SAMD7: variants seen among roughly 807,000 people sequenced by gnomAD.
The protein encoded by SAMD7 is sterile alpha motif domain-containing protein 7.
In SAMD7, 34 loss-of-function variants were observed where a neutral mutation model predicts 36.7. The ratio of observed to expected loss-of-function variants is 0.93; its 90% CI spans 0.71 to 1.23. The LOEUF (loss-of-function observed/expected upper bound fraction) is 1.23. Among genes scored for constraint, SAMD7 ranks in the 50% most tolerant of loss-of-function variants. SAMD7 has a pLI of 0.00. For missense variants in SAMD7, 570 were observed against 546.6 expected (o/e 1.04, Z -0.43); for synonymous variants, 188 against 189.7 (o/e 0.99, Z 0.07).
In SAMD7 at chr3:169,926,661, A is replaced by G. The variant is rs1576832969; in HGVS notation, c.399A>G (p.Pro133=). Residue 133 remains proline (P), a synonymous_variant, in exon 6 of 9, where the codon CCA becomes CCG. Coordinates refer to ENST00000335556, the MANE Select transcript of SAMD7 (RefSeq NM_001304366.2). The part of the protein sequence containing the change: ...GIPFLYGSSV[P]AAPAAYHGRS... ...CCTTCCTCTATGGCTCCAGTGTCCC[A>G]GCTGCCCCCGCTGCCTACCATGGCA... is the stretch of plus-strand genomic sequence containing the variant. 6.2e-7 allele frequency: 1 copy of G among 1,613,948 alleles called. No individual in the cohort carries two copies. The highest frequency in any genetic ancestry group is 1.3e-5 in the African/African-American group (1 of 74,880).
At chr3:169,917,023 C>T (rs1712834311) in intron 2 of SAMD7, among the ~76,000 whole-genome samples, 1 of 152,222 alleles carries the variant, frequency 6.6e-6, no homozygotes, top group Non-Finnish European at 1.5e-5. Context: ...GGTAACTAAA[C>T]TCTCTGAGGC....
At position 169,919,367 on chromosome 3, in the gene SAMD7, A is replaced by T. The variant is rs140006525; in HGVS notation, c.-41-91A>T. ...GCTAGTCTTCCCAAGTGTTGTGAAA[A>T]TACAAAAGGCTTTTATTGTGTTCAA... On this transcript the variant is annotated intron_variant, in intron 2 of 8. Transcript: ENST00000335556. 1.3e-5 allele frequency: 9 copies of T among 706,768 alleles called. No homozygotes were observed. In the African/African-American group the frequency reaches 1.6e-4, roughly 13 times the overall value. 43.8% of individuals were successfully genotyped at this position (706,768 alleles called of 1,614,324 possible).
intron 3 of SAMD7, among the ~76,000 whole-genome samples, chr3:169,920,439 C>T (rs1006807569): frequency 6.6e-6 from 1 of 152,086 alleles, no homozygotes; most frequent in African/African-American, 2.4e-5. Flanking sequence ...GGATTAGGGC[C>T]CCACCTTTAT....
At chr3:169,934,565 C>T (rs1291305148) in intron 7 of SAMD7, among the ~76,000 whole-genome samples, 1 of 152,170 alleles carries the variant, frequency 6.6e-6, no homozygotes, top group Non-Finnish European at 1.5e-5. Flanking sequence ...CCTCTGCCGT[C>T]CCCCAGAAGT....
At chr3:169,925,368 T>TAA (rs59937452) in intron 5 of SAMD7, among the ~76,000 whole-genome samples, 2,313 of 147,320 alleles carry the variant, frequency 0.016, 67 homozygotes, top group African/African-American at 0.054. Context: ...TGCTTTCACT[T>TAA]AAAAAAAAAA....
At chr3:169,917,738 T>C (rs1402392237) in intron 2 of SAMD7, among the ~76,000 whole-genome samples, 1 of 151,886 alleles carries the variant, frequency 6.6e-6, no homozygotes, top group African/African-American at 2.4e-5. Context: ...GCCTCCCAGG[T>C]TCACACCATT....
At chr3:169,914,672 A>G (rs770974607) in intron 1 of SAMD7, among the ~76,000 whole-genome samples, 2 of 152,228 alleles carry the variant, frequency 1.3e-5, no homozygotes, top group Non-Finnish European at 2.9e-5. Context: ...TACCAAGGAT[A>G]GCTTTAATTG....
chr3:169,919,189 T>G (rs1042849281), intron 2 of SAMD7, among the ~76,000 whole-genome samples: 2 of 152,176 alleles, frequency 1.3e-5, no homozygotes, highest in Admixed American at 1.3e-4. Context: ...TTGGTATTTC[T>G]GGAATCTTGC....
intron 2 of SAMD7, among the ~76,000 whole-genome samples, chr3:169,916,054 T>TTGTG (rs1712784885): frequency 6.6e-6 from 1 of 151,794 alleles, no homozygotes; most frequent in African/African-American, 2.4e-5. Flanking sequence ...GTCCCTTTGT[T>TTGTG]TTTGTTTGAT....
chr3:169,924,854 A>T (rs946537959), intron 4 of SAMD7, among the ~76,000 whole-genome samples: 2 of 152,168 alleles, frequency 1.3e-5, no homozygotes, highest in Non-Finnish European at 2.9e-5. Flanking sequence ...ACAAAAAATT[A>T]TCTGGTATTT....
intron 7 of SAMD7, among the ~76,000 whole-genome samples, chr3:169,930,400 G>A (rs1219771561): frequency 6.6e-6 from 1 of 152,072 alleles, no homozygotes; most frequent in Non-Finnish European, 1.5e-5. Flanking sequence ...AGATGTCACT[G>A]CTGTGCTGTG....
chr3:169,920,444 C>A (rs1712995804), intron 3 of SAMD7, among the ~76,000 whole-genome samples: 1 of 152,172 alleles, frequency 6.6e-6, no homozygotes, highest in African/African-American at 2.4e-5. Context: ...AGGGCCCCAC[C>A]TTTATAATAT....
At chr3:169,933,643 A>G (rs576027286) in intron 7 of SAMD7, among the ~76,000 whole-genome samples, 89 of 152,356 alleles carry the variant, frequency 5.8e-4, no homozygotes, top group Non-Finnish European at 9.3e-4. Context: ...GTATACATTC[A>G]TGACTAAAAT....
At chr3:169,912,120 G>A (rs1032716669) in intron 1 of SAMD7, among the ~76,000 whole-genome samples, 4 of 152,132 alleles carry the variant, frequency 2.6e-5, no homozygotes, top group African/African-American at 7.2e-5. Flanking sequence ...TCAGTTCAAA[G>A]TTGTATGTAA....
chr3:169,917,385 G>A (rs1650573203), intron 2 of SAMD7, among the ~76,000 whole-genome samples: 1 of 151,864 alleles, frequency 6.6e-6, no homozygotes, highest in Non-Finnish European at 1.5e-5. Context: ...TATAGTTGCA[G>A]GTATCTCAGA....
At chr3:169,912,749 T>C (rs1190707540) in intron 1 of SAMD7, among the ~76,000 whole-genome samples, 1 of 152,194 alleles carries the variant, frequency 6.6e-6, no homozygotes, top group Non-Finnish European at 1.5e-5. Flanking sequence ...GTATGTGCTA[T>C]GGTGAAATGC....
At chr3:169,933,711 C>T (rs1713608137) in intron 7 of SAMD7, among the ~76,000 whole-genome samples, 1 of 152,226 alleles carries the variant, frequency 6.6e-6, no homozygotes, top group Non-Finnish European at 1.5e-5. Context: ...TACTTTTTAG[C>T]TGGTCCTGAG....
At chr3:169,935,518 T>C (rs1448641226) in intron 7 of SAMD7, among the ~76,000 whole-genome samples, 2 of 152,144 alleles carry the variant, frequency 1.3e-5, no homozygotes, top group African/African-American at 2.4e-5. Flanking sequence ...TGTTTTGTTT[T>C]GTTTTGTTTT....
At chr3:169,928,869 C>T (rs1242997058) in intron 7 of SAMD7, among the ~76,000 whole-genome samples, 1 of 152,154 alleles carries the variant, frequency 6.6e-6, no homozygotes, top group Non-Finnish European at 1.5e-5. Flanking sequence ...GGTTCAGAAG[C>T]TGAACATCCA....
Sources: allele counts gnomAD v4.1 joint callset (sites outside exome capture counted in the v4.1 genomes callset), GRCh38; gene constraint gnomAD v4.1.1; transcripts MANE v1.5; gene names NCBI Gene and HGNC (gene_info 2026-07-23, HGNC 2026-07-21).